COL9A2: variants seen among roughly 807,000 people sequenced by gnomAD.
COL9A2 encodes the protein collagen type IX alpha 2 chain.
In COL9A2, 66 loss-of-function variants were observed where a neutral mutation model predicts 111.6. The ratio of observed to expected loss-of-function variants is 0.59; its 90% confidence interval spans 0.48 to 0.73. The LOEUF is 0.73. Ranked by LOEUF, COL9A2 falls within the 30% of genes least tolerant of loss-of-function variation. The pLI is 0.00. For missense variants in COL9A2, 881 were observed against 954.1 expected (o/e 0.92, Z 1.01); for synonymous variants, 353 against 364.1 (o/e 0.97, Z 0.35).
chr1:40,307,843 C>T lies in COL9A2; in HGVS notation c.901-87G>A, dbSNP rs1268900534. ...CACCCCTGTTCCTCTGAGACAGCTG[C>T]AGTGTGCAGGGAGGGAGTGGCTCTG... On this transcript the variant is annotated intron_variant, in intron 17 of 31. Transcript: ENST00000372748. This position sits in a 1 kb window ranked among gnomAD's most constrained non-coding sequence, Gnocchi z 4.8. 4 of 1,421,018 alleles carry T rather than the reference C, an allele frequency of 2.8e-6. No homozygotes were observed. The highest frequency in any genetic ancestry group is 2.0e-6 in the Non-Finnish European group (2 of 1,012,984). The allele number at this position is 1,421,018 out of a possible 1,614,324, so 88.0% of individuals were successfully genotyped here. A position where few individuals can be genotyped will look rare whatever the true frequency, so the allele number is the denominator to read the frequency against.
In COL9A2 at chr1:40,305,740, C is replaced by T. The variant is rs1159293268; in HGVS notation, c.1082G>A (p.Gly361Glu). ...QGEPGPQGLP[G>E]FSGPPGKEGE... ...CTCTTTCCCAGGGGGACCAGAGAATCCAGGAAGGCCCTGCGGGCCCGGCTC... is the reference window on the plus strand; with the variant it reads ...CTCTTTCCCAGGGGGACCAGAGAATTCAGGAAGGCCCTGCGGGCCCGGCTC... The change falls in exon 21 of 32, where the codon GGA becomes GAA. Residue 361 changes from glycine to glutamate, a missense_variant. By Grantham distance (98) the Gly-to-Glu change is moderately conservative (BLOSUM62 -2). Coordinates refer to ENST00000372748, the MANE Select transcript of COL9A2 (RefSeq NM_001852.4). 1 of 1,614,000 alleles carries T rather than the reference C, an allele frequency of 6.2e-7. No homozygotes were observed. Among genetic ancestry groups the T allele is most frequent in the African/African-American group, 1.3e-5 (1 of 74,930 alleles).
chr1:40,304,236 C>T, intron 24 of COL9A2, 84 bp downstream of exon 24: 2 of 1,532,360 alleles, frequency 1.3e-6, no homozygotes, highest in South Asian at 2.4e-5. Context: ...GGTTTGGAGG[C>T]TCCGGAAGGA....
intron 20 of COL9A2, 147 bp downstream of exon 20, chr1:40,305,996 G>A (rs1569723071): frequency 2.2e-6 from 2 of 912,022 alleles, no homozygotes; most frequent in South Asian, 2.7e-5. Context: ...TGCATGATGG[G>A]TGGGAGGTGG....
chr1:40,303,704 G>A lies in COL9A2; in HGVS notation c.1402-28C>T, dbSNP rs1305115552. The stretch of plus-strand genomic sequence containing the variant: ...GCGGGGGGATGGGGGTGGGAGCAGA[G>A]CCGGGTGAGAAGGCGCCCGGGTGGG... On this transcript the variant is annotated intron_variant, in intron 27 of 31. Transcript: ENST00000372748. This position sits in a 1 kb window ranked among gnomAD's most constrained non-coding sequence, Gnocchi z 4.6. 1 of 1,546,434 alleles carries A rather than the reference G, an allele frequency of 6.5e-7. No homozygotes were observed. Among genetic ancestry groups the A allele is most frequent in the South Asian group, 1.2e-5 (1 of 84,022 alleles).
chr1:40,302,523 A>C lies in COL9A2; in HGVS notation c.1792+98T>G. ...GACCATGTGGCTGAGGAACCGGGGA[A>C]GGGTCTGTATGTCATCCTGAGAAGG... On this transcript the variant is annotated intron_variant, in intron 30 of 31. Transcript: ENST00000372748. This position sits in a 1 kb window ranked among gnomAD's most constrained non-coding sequence, Gnocchi z 4.5. 2.2e-6 allele frequency: 3 copies of C among 1,335,356 alleles called. No individual in the cohort carries two copies. The highest frequency in any genetic ancestry group is 3.1e-6 in the Non-Finnish European group (3 of 964,344). 82.7% of individuals were successfully genotyped at this position (1,335,356 alleles called of 1,614,324 possible).
rs777886349 is a variant in COL9A2 at position 40,316,670 on chromosome 1, G to A, written c.75+453C>T. On this transcript the variant is annotated intron_variant, in intron 1 of 31. Transcript: ENST00000372748. The surrounding 1 kb of genome is among the most constrained non-coding windows in gnomAD (Gnocchi z 5.5). ...CCCTACCCGCGCGCCCGCAGCCCCC[G>A]GCGGCCCTCGGAAGGGAGACGTGGG... The A allele has an allele frequency of 1.1e-5, 5 of 437,076 alleles. No individual in the cohort carries two copies. Among genetic ancestry groups the A allele is most frequent in the Non-Finnish European group, 2.3e-5 (5 of 219,178 alleles). The allele number at this position is 437,076 out of a possible 1,614,324, so 27.1% of individuals were successfully genotyped here. A position where few individuals can be genotyped will look rare whatever the true frequency, so the allele number is the denominator to read the frequency against.
Position 40,311,485 on chromosome 1 carries a change from G to T in COL9A2, c.519+15C>A, listed in dbSNP as rs766671761. Reference sequence around the variant, plus strand: ...GCCCCCCTGTGTTAGCCCCGCCCCAGACCTCGTCTCTCACCAGGAAATCCG... The same window carrying T: ...GCCCCCCTGTGTTAGCCCCGCCCCATACCTCGTCTCTCACCAGGAAATCCG... On this transcript the variant is annotated intron_variant, in intron 10 of 31. Coordinates refer to ENST00000372748, the MANE Select transcript of COL9A2 (RefSeq NM_001852.4). This position sits in a 1 kb window ranked among gnomAD's most constrained non-coding sequence, Gnocchi z 5.1. 9 of 1,285,656 alleles carry T rather than the reference G, an allele frequency of 7.0e-6. No individual in the cohort carries two copies. The South Asian group carries it at 1.1e-4, about 15-fold the overall frequency. 79.6% of individuals were successfully genotyped at this position (1,285,656 alleles called of 1,614,324 possible).
In COL9A2 at chr1:40,316,695, G is replaced by A. The variant is rs1322788022; in HGVS notation, c.75+428C>T. Reference sequence around the variant, plus strand: ...GGCGGCCCTCGGAAGGGAGACGTGGGTAGGCGGGCAGGGCCGAGAGGCCGC... The same window carrying A: ...GGCGGCCCTCGGAAGGGAGACGTGGATAGGCGGGCAGGGCCGAGAGGCCGC... On this transcript the variant is annotated intron_variant, in intron 1 of 31. Coordinates refer to ENST00000372748, the MANE Select transcript of COL9A2 (RefSeq NM_001852.4). This position sits in a 1 kb window ranked among gnomAD's most constrained non-coding sequence, Gnocchi z 5.5. 4 of 428,110 alleles carry A rather than the reference G, an allele frequency of 9.3e-6. No individual in the cohort carries two copies. Among genetic ancestry groups the A allele is most frequent in the South Asian group, 3.3e-5 (2 of 60,784 alleles). 26.5% of individuals were successfully genotyped at this position (428,110 alleles called of 1,614,324 possible). A position where few individuals can be genotyped will look rare whatever the true frequency, so the allele number is the denominator to read the frequency against.
rs1643955879 is a variant in COL9A2, at chr1:40,303,721, C to A, written c.1402-45G>T. ...GGAGCAGAGCCGGGTGAGAAGGCGC[C>A]CGGGTGGGCGAGAGTGGGGGGTGGG... is the stretch of plus-strand genomic sequence containing the variant. On this transcript the variant is annotated intron_variant, in intron 27 of 31. Transcript: ENST00000372748. This position sits in a 1 kb window ranked among gnomAD's most constrained non-coding sequence, Gnocchi z 4.6. 1 of 1,497,608 alleles carries A rather than the reference C, an allele frequency of 6.7e-7. No individual in the cohort carries two copies. Among genetic ancestry groups the A allele is most frequent in the East Asian group, 2.7e-5 (1 of 37,034 alleles). 92.8% of individuals were successfully genotyped at this position (1,497,608 alleles called of 1,614,324 possible). A position where few individuals can be genotyped will look rare whatever the true frequency, so the allele number is the denominator to read the frequency against.
In COL9A2 at chr1:40,303,937, T is replaced by G; in HGVS notation, c.1359A>C (p.Lys453Asn). The change falls in exon 26 of 32, where the codon AAA becomes AAC. Residue 453 changes from lysine to asparagine, a missense_variant. By Grantham distance (94) the Lys-to-Asn change is moderately conservative (BLOSUM62 0). Transcript: ENST00000372748. This position sits in a 1 kb window ranked among gnomAD's most constrained non-coding sequence, Gnocchi z 4.6. ...TAGGCCGCGCGCTCACCTTCTCGCC[T>G]TTCTCTCCGGGGAGGCCGGCCACCC... Reference protein sequence around the residue: ...DPGVAGLPGEKGEKGESGEPG... With the variant: ...DPGVAGLPGENGEKGESGEPG... 6.4e-7 allele frequency: 1 copy of G among 1,557,678 alleles called. No individual in the cohort carries two copies.
chr1:40,303,415 AC>A lies in COL9A2; in HGVS notation c.1548+114del, dbSNP rs998866108. 1.4e-6 allele frequency: 2 copies of A among 1,447,148 alleles called. No homozygotes were observed. The highest frequency in any genetic ancestry group is 3.9e-5 in the Admixed American group (2 of 51,606). The allele number at this position is 1,447,148 out of a possible 1,614,324, so 89.6% of individuals were successfully genotyped here. ...CTTCCTGTCTGCTCTGGGGCTTGGA[AC>A]CAGTCTCGGGGAAGTCGGTGAGTCT... On this transcript the variant is annotated intron_variant, in intron 28 of 31. Coordinates refer to ENST00000372748, the MANE Select transcript of COL9A2 (RefSeq NM_001852.4). The surrounding 1 kb of genome is among the most constrained non-coding windows in gnomAD (Gnocchi z 4.6).
rs1357869590 is a variant in COL9A2 at position 40,316,392 on chromosome 1, C to CTGGT, written c.76-729_76-728insACCA. 1.3e-5 allele frequency among the ~76,000 whole-genome samples: 2 copies of CTGGT among 152,226 alleles called. No individual in the cohort carries two copies. Among genetic ancestry groups the CTGGT allele is most frequent in the East Asian group, 3.9e-4 (2 of 5,192 alleles). ...CCCGTTTGCCTGCAATTCAATGCCC[C>CTGGT]TGGGTGGGTGTGAGGTTTCAGGGAG... On this transcript the variant is annotated intron_variant, in intron 1 of 31. Transcript: ENST00000372748. This position sits in a 1 kb window ranked among gnomAD's most constrained non-coding sequence, Gnocchi z 5.5.
chr1:40,303,800 G>A lies in COL9A2; in HGVS notation c.1401+7C>T, dbSNP rs746013406. On this transcript the variant is annotated splice_region_variant and intron_variant, in intron 27 of 31. Coordinates refer to ENST00000372748, the MANE Select transcript of COL9A2 (RefSeq NM_001852.4). This position sits in a 1 kb window ranked among gnomAD's most constrained non-coding sequence, Gnocchi z 4.6. The stretch of plus-strand genomic sequence containing the variant: ...AAGTCGGAGAACGCCGGGAGGGGAG[G>A]ACTCACCTGTCCCTTGGGCCCCGGC... The A allele has an allele frequency of 1.3e-6, 2 of 1,564,496 alleles. No homozygotes were observed. The highest frequency in any genetic ancestry group is 1.9e-5 in the Admixed American group (1 of 52,144).
Position 40,310,174 on chromosome 1 carries a change from G to A in COL9A2, c.739-10C>T, listed in dbSNP as rs768878888. 1 of 1,614,142 alleles carries A rather than the reference G, an allele frequency of 6.2e-7. No individual in the cohort carries two copies. Reference sequence around the variant, plus strand: ...TATATCCATGAGGGCCCTGGGGAGAGGAAAGGGTTGCAGGTCAGTCCTGGC... The same window carrying A: ...TATATCCATGAGGGCCCTGGGGAGAAGAAAGGGTTGCAGGTCAGTCCTGGC... On this transcript the variant is annotated splice_polypyrimidine_tract_variant and intron_variant, in intron 14 of 31. Coordinates refer to ENST00000372748, the MANE Select transcript of COL9A2 (RefSeq NM_001852.4). This position sits in a 1 kb window ranked among gnomAD's most constrained non-coding sequence, Gnocchi z 4.9.
intron 22 of COL9A2, 29 bp from the exon 23 acceptor site, chr1:40,304,558 C>T (rs750285701): frequency 1.1e-5 from 17 of 1,613,040 alleles, no homozygotes; most frequent in Non-Finnish European, 2.5e-6. Context: ...GTCACAACCT[C>T]AGCAGCTCTC....
At position 40,303,440 on chromosome 1, in the gene COL9A2, C is replaced by A; in HGVS notation, c.1548+90G>T. The A allele has an allele frequency of 6.4e-7, 1 of 1,554,432 alleles. No individual in the cohort carries two copies. ...ACCAGTCTCGGGGAAGTCGGTGAGT[C>A]TCTGGGAATCCCTAGCCTTTGGCGG... On this transcript the variant is annotated intron_variant, in intron 28 of 31. Transcript: ENST00000372748. This position sits in a 1 kb window ranked among gnomAD's most constrained non-coding sequence, Gnocchi z 4.6.
Position 40,307,791 on chromosome 1 carries a change from T to A in COL9A2, c.901-35A>T, listed in dbSNP as rs1644053924. On this transcript the variant is annotated intron_variant, in intron 17 of 31. Coordinates refer to ENST00000372748, the MANE Select transcript of COL9A2 (RefSeq NM_001852.4). This position sits in a 1 kb window ranked among gnomAD's most constrained non-coding sequence, Gnocchi z 4.8. ...AGGAAAGTTCAAGGGAGAGTGATAA[T>A]GCGGAGATGTCTGGGGTCTGGCCAC... 1.9e-6 allele frequency: 3 copies of A among 1,611,166 alleles called. No individual in the cohort carries two copies. The highest frequency in any genetic ancestry group is 2.5e-6 in the Non-Finnish European group (3 of 1,177,612).
rs1644105555 is a variant in COL9A2 at position 40,310,438 on chromosome 1, A to ATGGATG, written c.685-127_685-122dup. 4.8e-6 allele frequency: 5 copies of ATGGATG among 1,041,718 alleles called. No homozygotes were observed. The Admixed American group carries it at 9.4e-5, about 20-fold the overall frequency. 64.5% of individuals were successfully genotyped at this position (1,041,718 alleles called of 1,614,324 possible). ...AGGTAGGCAGCAGAGTCTCTGTCTC[A>ATGGATG]TGGATGGGACATGGAGGTTCAGAGA... is the stretch of plus-strand genomic sequence containing the variant. On this transcript the variant is annotated intron_variant, in intron 13 of 31. Transcript: ENST00000372748. The surrounding 1 kb of genome is among the most constrained non-coding windows in gnomAD (Gnocchi z 4.9).
At position 40,310,168 on chromosome 1, in the gene COL9A2, G is replaced by A; in HGVS notation, c.739-4C>T. On this transcript the variant is annotated splice_region_variant and splice_polypyrimidine_tract_variant and intron_variant, in intron 14 of 31. Coordinates refer to ENST00000372748, the MANE Select transcript of COL9A2 (RefSeq NM_001852.4). The surrounding 1 kb of genome is among the most constrained non-coding windows in gnomAD (Gnocchi z 4.9). ...TGCCTTTATATCCATGAGGGCCCTG[G>A]GGAGAGGAAAGGGTTGCAGGTCAGT... 4 of 1,614,112 alleles carry A rather than the reference G, an allele frequency of 2.5e-6. No homozygotes were observed. Among genetic ancestry groups the A allele is most frequent in the Non-Finnish European group, 3.4e-6 (4 of 1,180,012 alleles).
Sources: allele counts gnomAD v4.1 joint callset (sites outside exome capture counted in the v4.1 genomes callset), GRCh38; gene constraint gnomAD v4.1.1; non-coding constraint Gnocchi (gnomAD v3.1); transcripts MANE v1.5; gene names NCBI Gene and HGNC (gene_info 2026-07-23, HGNC 2026-07-21).